SYNRG: variants seen among roughly 807,000 people sequenced by gnomAD.
The protein encoded by SYNRG is synergin gamma, also known as AP1 gamma subunit binding protein 1.
Under a neutral mutation model 130.9 loss-of-function variants are expected in SYNRG, and 37 were observed. The ratio of observed to expected loss-of-function variants is 0.28; its 90% CI spans 0.22 to 0.37. The LOEUF is 0.37. Among genes scored for constraint, SYNRG ranks in the 10% least tolerant of loss-of-function variants. SYNRG has a pLI of 1.00. For missense variants in SYNRG, 1,338 were observed against 1,588.9 expected, an observed-to-expected ratio of 0.84 and a Z score of 2.68; for synonymous variants, 539 against 568.1, an observed-to-expected ratio of 0.95 and a Z score of 0.73.
chr17:37,551,664 C>A lies in SYNRG; in HGVS notation c.2608+1451G>T, dbSNP rs537041793. On this transcript the variant is annotated intron_variant, in intron 14 of 21. Transcript: ENST00000612223. ...AGATTCACTTTCAGAAAAATAGTTT[C>A]TAATTAATAACTTCAGAGTCCAAAA... is the stretch of plus-strand genomic sequence containing the variant. 1.6e-4 allele frequency among the ~76,000 whole-genome samples: 24 copies of A among 151,992 alleles called. No homozygotes were observed. The South Asian group carries it at 3.1e-3, about 20-fold the overall frequency.
chr17:37,568,751 T>C (rs778089617), intron 11 of SYNRG, 40 bp downstream of exon 11: 14 of 1,594,504 alleles, frequency 8.8e-6, no homozygotes, highest in Non-Finnish European at 1.2e-5. Flanking sequence ...TCTTTCTTAA[T>C]GGTTAAATGC....
chr17:37,583,639 C>T (rs1272988262), intron 6 of SYNRG, among the ~76,000 whole-genome samples: 9 of 152,142 alleles, frequency 5.9e-5, no homozygotes, highest in Admixed American at 4.6e-4. Flanking sequence ...AAACTGTTCA[C>T]CTATTAGGTA....
intron 15 of SYNRG, 91 bp downstream of exon 15, chr17:37,541,881 A>C: frequency 8.1e-7 from 1 of 1,232,196 alleles, no homozygotes; most frequent in Non-Finnish European, 1.1e-6. Flanking sequence ...ATTTCCTGCG[A>C]AACCAGAGAG....
At chr17:37,585,733 C>G (rs2061645455) in intron 4 of SYNRG, among the ~76,000 whole-genome samples, 1 of 152,104 alleles carries the variant, frequency 6.6e-6, no homozygotes, top group Non-Finnish European at 1.5e-5. Flanking sequence ...GGCAGACAAA[C>G]ATAAGAACAC....
intron 11 of SYNRG, among the ~76,000 whole-genome samples, chr17:37,564,066 C>T (rs558803038): frequency 6.6e-6 from 1 of 151,654 alleles, no homozygotes; most frequent in Non-Finnish European, 1.5e-5. Flanking sequence ...CCAGACTGGT[C>T]TCAAACTCCT....
At chr17:37,590,857 C>G (rs1241851338) in intron 3 of SYNRG, among the ~76,000 whole-genome samples, 1 of 151,934 alleles carries the variant, frequency 6.6e-6, no homozygotes, top group Admixed American at 6.6e-5. Flanking sequence ...GAGGCGGAGT[C>G]TGCAGTGAGT....
chr17:37,561,239 C>A lies in SYNRG; in HGVS notation c.1619G>T (p.Ser540Ile). The part of the protein sequence containing the change: ...VPPGDPGDKY[S>I]AFRELEQTAE... ...TGTCTGTTCAAGTTCTCTGAAAGCA[C>A]TATATTTATCACCAGGATCTATGAT... Residue 540 changes from serine (S) to isoleucine (I), a missense_variant, in exon 13 of 22, where the codon AGT becomes ATT. Around this residue, in one of 3 missense-constraint regions of SYNRG, gnomAD observed 1,146 missense variants for 1,342.3 expected, o/e 0.85. Transcript: ENST00000612223. 1 of 1,613,822 alleles carries A rather than the reference C, an allele frequency of 6.2e-7. No homozygotes were observed. The highest frequency in any genetic ancestry group is 8.5e-7 in the Non-Finnish European group (1 of 1,179,948).
chr17:37,573,200 G>A (rs1013414021), intron 8 of SYNRG, among the ~76,000 whole-genome samples: 5 of 152,004 alleles, frequency 3.3e-5, no homozygotes, highest in Non-Finnish European at 5.9e-5. Flanking sequence ...TCAGGAGTTC[G>A]AGACCAGCCT....
At chr17:37,572,564 T>G (rs937644012) in intron 8 of SYNRG, among the ~76,000 whole-genome samples, 3 of 152,176 alleles carry the variant, frequency 2.0e-5, no homozygotes, top group Non-Finnish European at 4.4e-5. Context: ...CAGTAGAAGA[T>G]TGTAACAAGA....
intron 6 of SYNRG, among the ~76,000 whole-genome samples, chr17:37,582,800 G>A (rs1350956300): frequency 6.6e-6 from 1 of 152,122 alleles, no homozygotes; most frequent in Non-Finnish European, 1.5e-5. Context: ...GGTCATGGCT[G>A]CAGTGAACTG....
At chr17:37,522,910 A>G (rs2055321071) in intron 19 of SYNRG, among the ~76,000 whole-genome samples, 1 of 151,962 alleles carries the variant, frequency 6.6e-6, no homozygotes, top group Admixed American at 6.5e-5. Flanking sequence ...AAGTGCTGGG[A>G]TTACAGGTGT....
Position 37,570,954 on chromosome 17 carries a change from C to T in SYNRG, c.1099-69G>A, listed in dbSNP as rs186669300. 41 of 1,510,296 alleles carry T rather than the reference C, an allele frequency of 2.7e-5. No individual in the cohort carries two copies. In the East Asian group the frequency reaches 5.5e-4, roughly 20 times the overall value. 93.6% of individuals were successfully genotyped at this position (1,510,296 alleles called of 1,614,324 possible). A position where few individuals can be genotyped will look rare whatever the true frequency, so the allele number is the denominator to read the frequency against. ...CATACGGTCGAAATCTGGCAGAGAC[C>T]GAAAGGTAAAAAAATCTGTAGCCTT... On this transcript the variant is annotated intron_variant, in intron 9 of 21. Coordinates refer to ENST00000612223, the MANE Select transcript of SYNRG (RefSeq NM_007247.6).
intron 1 of SYNRG, among the ~76,000 whole-genome samples, chr17:37,602,790 A>T (rs1197238790): frequency 8.5e-5 from 13 of 152,150 alleles, no homozygotes; most frequent in Non-Finnish European, 1.8e-4. Context: ...TTGGGAGGCC[A>T]AGGCAGGCGG....
chr17:37,528,053 A>G (rs2056167556), intron 19 of SYNRG, among the ~76,000 whole-genome samples: 2 of 152,222 alleles, frequency 1.3e-5, no homozygotes, highest in South Asian at 4.1e-4. Flanking sequence ...TAAAAGCTGG[A>G]AGTAACATAG....
At chr17:37,592,661 C>T (rs897497105) in intron 3 of SYNRG, among the ~76,000 whole-genome samples, 16 of 152,276 alleles carry the variant, frequency 1.1e-4, no homozygotes, top group South Asian at 4.1e-4. Flanking sequence ...AAGCGACAAA[C>T]GCCAAACCCA....
At chr17:37,600,500 G>A in intron 1 of SYNRG, 97 bp from the exon 2 acceptor site, 1 of 1,201,308 alleles carries the variant, frequency 8.3e-7, no homozygotes, top group Non-Finnish European at 1.2e-6. Flanking sequence ...TTGTAGATGG[G>A]ACCTGGTGTT....
intron 1 of SYNRG, among the ~76,000 whole-genome samples, chr17:37,608,087 T>TAATG (rs2063971743): frequency 6.6e-6 from 1 of 151,798 alleles, no homozygotes; most frequent in South Asian, 2.1e-4. Context: ...AAAAACCCTC[T>TAATG]AATGAAACAA....
intron 6 of SYNRG, among the ~76,000 whole-genome samples, chr17:37,583,445 A>C (rs2061479564): frequency 6.6e-6 from 1 of 152,130 alleles, no homozygotes; most frequent in Non-Finnish European, 1.5e-5. Context: ...ATCTTAAGTG[A>C]AATTAACAGA....
chr17:37,536,641 T>C (rs1162504069), intron 18 of SYNRG: 2 of 152,834 alleles, frequency 1.3e-5, no homozygotes, highest in African/African-American at 4.8e-5. Flanking sequence ...ATCTAAATGT[T>C]AATAGCATCA....
Sources: allele counts gnomAD v4.1 joint callset (sites outside exome capture counted in the v4.1 genomes callset), GRCh38; gene constraint gnomAD v4.1.1; regional missense constraint gnomAD v4.1.1; transcripts MANE v1.5; gene names NCBI Gene and HGNC (gene_info 2026-07-23, HGNC 2026-07-21).